Variants in PDZRN4 observed in about 807,000 individuals in gnomAD.
PDZRN4 encodes the protein PDZ domain containing ring finger 4.
Under a neutral mutation model 99.0 loss-of-function variants are expected in PDZRN4, and 70 were observed. That is an observed-to-expected ratio of 0.71 (90% CI 0.58 to 0.86). The LOEUF is 0.86. Among genes scored for constraint, PDZRN4 ranks in the 40% least tolerant of loss-of-function variants. The probability of loss-of-function intolerance (pLI) is 0.00; values close to 1 mark genes in which losing one functional copy is unlikely to be tolerated. For synonymous variants in PDZRN4, 551 were observed against 501.6 expected (o/e 1.10, Z -1.32); for missense variants, 1,474 against 1,331.2 (o/e 1.11, Z -1.67).
At chr12:41,205,382 G>A (rs562839201) in intron 3 of PDZRN4, among the ~76,000 whole-genome samples, 30 of 151,930 alleles carry the variant, frequency 2.0e-4, no homozygotes, top group Non-Finnish European at 3.5e-4. Context: ...CCCTGCGCAT[G>A]GGATAAAATG....
intron 3 of PDZRN4, among the ~76,000 whole-genome samples, chr12:41,223,060 T>C (rs1226962263): frequency 6.6e-6 from 1 of 152,136 alleles, no homozygotes; most frequent in Non-Finnish European, 1.5e-5. Context: ...TTCTTTTAAA[T>C]GGCAAAGCTC....
intron 3 of PDZRN4, among the ~76,000 whole-genome samples, chr12:41,229,399 C>T (rs1015344607): frequency 2.0e-5 from 3 of 151,968 alleles, no homozygotes; most frequent in African/African-American, 7.2e-5. Context: ...CCAAAATTCC[C>T]TGTGCACTGT....
intron 3 of PDZRN4, among the ~76,000 whole-genome samples, chr12:41,207,201 G>A (rs1240613254): frequency 6.6e-6 from 1 of 151,384 alleles, no homozygotes; most frequent in Non-Finnish European, 1.5e-5. Flanking sequence ...TCTTTTCTTA[G>A]ACATGTGTAA....
intron 3 of PDZRN4, chr12:41,473,424 G>C (rs1014436985): frequency 3.3e-5 from 5 of 152,082 alleles, no homozygotes; most frequent in African/African-American, 1.2e-4. Context: ...TCAGGTGCTG[G>C]GGTTCCAAGA....
At chr12:41,563,223 T>C (rs1939303650) in intron 7 of PDZRN4, among the ~76,000 whole-genome samples, 1 of 152,134 alleles carries the variant, frequency 6.6e-6, no homozygotes, top group Admixed American at 6.5e-5. Flanking sequence ...AGAGTGACAC[T>C]TCCATTACTC....
At chr12:41,441,722 C>T (rs1041451898) in intron 3 of PDZRN4, among the ~76,000 whole-genome samples, 1 of 151,974 alleles carries the variant, frequency 6.6e-6, no homozygotes, top group Non-Finnish European at 1.5e-5. Flanking sequence ...ACTATGTAAC[C>T]CCTACTCATA....
intron 3 of PDZRN4, among the ~76,000 whole-genome samples, chr12:41,318,388 G>T (rs1951653015): frequency 6.6e-6 from 1 of 152,124 alleles, no homozygotes; most frequent in Non-Finnish European, 1.5e-5. Flanking sequence ...CTACTTTTGT[G>T]TTTAGAAATG....
chr12:41,486,810 C>T (rs1019135671), intron 3 of PDZRN4, among the ~76,000 whole-genome samples: 4 of 152,146 alleles, frequency 2.6e-5, no homozygotes, highest in East Asian at 3.9e-4. Context: ...TCATCTCTTA[C>T]TTCTCTCCCC....
chr12:41,544,470 C>T (rs563411957), intron 5 of PDZRN4, among the ~76,000 whole-genome samples: 7 of 152,156 alleles, frequency 4.6e-5, no homozygotes, highest in South Asian at 4.1e-4. Flanking sequence ...AGCTCTCAGT[C>T]CTCTGCTGGT....
intron 3 of PDZRN4, among the ~76,000 whole-genome samples, chr12:41,323,064 G>A (rs1181150719): frequency 6.6e-6 from 1 of 152,136 alleles, no homozygotes; most frequent in Non-Finnish European, 1.5e-5. Flanking sequence ...TGGTGATGAA[G>A]GTAGCTAGAT....
chr12:41,424,088 C>T (rs961047653), intron 3 of PDZRN4, among the ~76,000 whole-genome samples: 1 of 152,154 alleles, frequency 6.6e-6, no homozygotes, highest in African/African-American at 2.4e-5. Context: ...GCTGTCCATT[C>T]TATGTCTGGT....
chr12:41,310,354 A>G (rs1440898021), intron 3 of PDZRN4, among the ~76,000 whole-genome samples: 1 of 152,168 alleles, frequency 6.6e-6, no homozygotes, highest in East Asian at 1.9e-4. Flanking sequence ...ATAAAGTGAT[A>G]GGTTTTACAT....
At chr12:41,347,946 G>A (rs374831648) in intron 3 of PDZRN4, among the ~76,000 whole-genome samples, 3 of 151,966 alleles carry the variant, frequency 2.0e-5, no homozygotes, top group South Asian at 2.1e-4. Context: ...TGCGAAATTT[G>A]CCCCTGAGGG....
chr12:41,476,820 T>G (rs1953047300), intron 3 of PDZRN4, among the ~76,000 whole-genome samples: 1 of 152,200 alleles, frequency 6.6e-6, no homozygotes, highest in Non-Finnish European at 1.5e-5. Context: ...CTGTGGAAGC[T>G]GGAAAGCAGT....
chr12:41,524,580 A>G (rs1006762356), intron 5 of PDZRN4, among the ~76,000 whole-genome samples: 1 of 152,142 alleles, frequency 6.6e-6, no homozygotes, highest in Non-Finnish European at 1.5e-5. Context: ...GAAAAAGGCC[A>G]GAGTTGTTGG....
chr12:41,394,604 G>T (rs937450750), intron 3 of PDZRN4, among the ~76,000 whole-genome samples: 1 of 152,092 alleles, frequency 6.6e-6, no homozygotes, highest in Non-Finnish European at 1.5e-5. Flanking sequence ...GGCTGCAATC[G>T]CATCTGAAGA....
intron 3 of PDZRN4, among the ~76,000 whole-genome samples, chr12:41,211,601 T>C (rs1201483059): frequency 7.2e-5 from 11 of 151,948 alleles, no homozygotes; most frequent in African/African-American, 2.7e-4. Context: ...ATCCTGAAAC[T>C]GCAAACCTAA....
At chr12:41,404,595 C>G (rs1169483038) in intron 3 of PDZRN4, among the ~76,000 whole-genome samples, 1 of 152,022 alleles carries the variant, frequency 6.6e-6, no homozygotes, top group Non-Finnish European at 1.5e-5. Flanking sequence ...GAGCCATTTA[C>G]AGATCCAATG....
At chr12:41,402,133 A>ACACACTGAG (rs1952294704) in intron 3 of PDZRN4, among the ~76,000 whole-genome samples, 2 of 85,624 alleles carry the variant, frequency 2.3e-5, no homozygotes, top group African/African-American at 1.2e-4. Context: ...ATATATATAT[A>ACACACTGAG]TATATATACA....
Sources: allele counts gnomAD v4.1 joint callset (sites outside exome capture counted in the v4.1 genomes callset), GRCh38; gene constraint gnomAD v4.1.1; transcripts MANE v1.5; gene names NCBI Gene and HGNC (gene_info 2026-07-23, HGNC 2026-07-21).